The following POLR1C variants were observed in gnomAD, a reference collection of about 807,000 sequenced individuals.
POLR1C encodes the protein DNA-directed RNA polymerases I and III subunit RPAC1.
POLR1C carries 42 observed loss-of-function variants against 38.3 expected under a neutral mutation model. That is an observed-to-expected ratio of 1.10 (90% confidence interval 0.86 to 1.42). POLR1C has a LOEUF of 1.42. POLR1C is among the 40% of genes most tolerant of loss of function. The probability of loss-of-function intolerance (pLI) is 0.00; values close to 1 mark genes in which losing one functional copy is unlikely to be tolerated. For synonymous variants in POLR1C, 163 were observed against 163.9 expected, an observed-to-expected ratio of 0.99 and a Z score of 0.04; for missense variants, 507 against 450.5, an observed-to-expected ratio of 1.13 and a Z score of -1.14.
chr6:43,528,461 G>C (rs902937070), intron 8 of POLR1C, among the ~76,000 whole-genome samples: 11 of 151,856 alleles, frequency 7.2e-5, no homozygotes, highest in African/African-American at 2.7e-4. Flanking sequence ...TAGAATTCCT[G>C]GGTCTCTAGA....
chr6:43,553,015 T>G (rs1795324456), intron 10 of POLR1C, among the ~76,000 whole-genome samples: 1 of 152,206 alleles, frequency 6.6e-6, no homozygotes, highest in Non-Finnish European at 1.5e-5. Flanking sequence ...ATTTTCCTAT[T>G]CTACTACCAG....
At chr6:43,551,549 G>T (rs1409722766) in intron 10 of POLR1C, 3 of 1,442,860 alleles carry the variant, frequency 2.1e-6, no homozygotes, top group Non-Finnish European at 2.9e-6. Flanking sequence ...AAGAGACAGG[G>T]TCTCATTCTG....
intron 8 of POLR1C, chr6:43,526,531 G>A (rs1217906830): frequency 1.5e-5 from 12 of 782,090 alleles, no homozygotes; most frequent in Non-Finnish European, 2.1e-5. Context: ...GTGGGAGTAT[G>A]ATGGAGGCAC....
intron 2 of POLR1C, among the ~76,000 whole-genome samples, chr6:43,518,964 G>C (rs1326709607): frequency 6.6e-6 from 1 of 152,196 alleles, no homozygotes; most frequent in Non-Finnish European, 1.5e-5. Context: ...ACAGGTGTGA[G>C]TGACTGTGCC....
rs748345433 is a variant in POLR1C at position 43,520,701 on chromosome 6, C to T, written c.732C>T (p.Pro244=). 6.2e-6 allele frequency: 10 copies of T among 1,613,970 alleles called. No individual in the cohort carries two copies. The highest frequency in any genetic ancestry group is 5.0e-5 in the Admixed American group (3 of 59,998). ...RLLPDITLLE[P]VEGEAAEELS... The stretch of plus-strand genomic sequence containing the variant: ...TGCCAGACATCACCCTGCTTGAGCC[C>T]GTGGAAGGGGAGGCAGCTGAGGAGT... The change falls in exon 7 of 9, where the codon CCC becomes CCT. Residue 244 remains proline, a synonymous_variant. Transcript: ENST00000642195.
Position 43,520,259 on chromosome 6 carries a change from C to T in POLR1C, c.503-16C>T, listed in dbSNP as rs141582886. ...AGTTTTAGGGACTGAGATCTTCTGA[C>T]ATGTTTTTCCTCCAGTGTATACCAG... On this transcript the variant is annotated splice_polypyrimidine_tract_variant and intron_variant, in intron 5 of 8. Coordinates refer to ENST00000642195, the MANE Select transcript of POLR1C (RefSeq NM_203290.4). The T allele has an allele frequency of 2.5e-6, 4 of 1,613,402 alleles. No individual in the cohort carries two copies. The African/African-American group carries it at 5.3e-5, about 21-fold the overall frequency.
intron 10 of POLR1C, chr6:43,551,174 T>C: frequency 9.6e-7 from 1 of 1,043,568 alleles, no homozygotes; most frequent in Non-Finnish European, 1.3e-6. Flanking sequence ...GAGGATCCCT[T>C]GAGACTAGTA....
Position 43,519,403 on chromosome 6 carries a change from C to G in POLR1C, c.212C>G (p.Ala71Gly). Residue 71 changes from alanine to glycine, a missense_variant, in exon 3 of 9, where the codon GCC becomes GGC. Ala to Gly is a moderately conservative substitution (Grantham distance 60, BLOSUM62 0). Coordinates refer to ENST00000642195, the MANE Select transcript of POLR1C (RefSeq NM_203290.4). Reference sequence around the variant, plus strand: ...TTTGACATGGTGGGAATTGACGCAGCCATTGCCAATGCTTTTCGACGAATT... The same window carrying G: ...TTTGACATGGTGGGAATTGACGCAGGCATTGCCAATGCTTTTCGACGAATT... ...LEFDMVGIDAAIANAFRRILL... is the reference protein window; with the variant it reads ...LEFDMVGIDAGIANAFRRILL... 1 of 1,613,742 alleles carries G rather than the reference C, an allele frequency of 6.2e-7. No individual in the cohort carries two copies. The highest frequency in any genetic ancestry group is 8.5e-7 in the Non-Finnish European group (1 of 1,179,638).
At chr6:43,560,953 A>G in intron 10 of POLR1C, 3 of 1,613,990 alleles carry the variant, frequency 1.9e-6, no homozygotes, top group Middle Eastern at 1.7e-4. Context: ...AAAGCAAGAA[A>G]AGATTCCAGG....
chr6:43,555,777 T>G, intron 10 of POLR1C: 1 of 1,602,392 alleles, frequency 6.2e-7, no homozygotes, highest in East Asian at 2.2e-5. Context: ...TCATTTCCTA[T>G]ATATAGTTTT....
chr6:43,533,559 A>T (rs182963296), downstream of POLR1C: 361 of 181,092 alleles, frequency 2.0e-3, 2 homozygotes, highest in Admixed American at 2.8e-3. Flanking sequence ...CAAGGAACCC[A>T]TAAGAACGCC....
intron 9 of POLR1C, among the ~76,000 whole-genome samples, chr6:43,543,881 T>A (rs1794836160): frequency 6.6e-6 from 1 of 152,128 alleles, no homozygotes; most frequent in Non-Finnish European, 1.5e-5. Flanking sequence ...TTCACCATGT[T>A]TATTGGGCTA....
intron 9 of POLR1C, chr6:43,547,538 A>C: frequency 6.9e-7 from 1 of 1,446,650 alleles, no homozygotes; most frequent in Non-Finnish European, 9.7e-7. Context: ...TCTATGAGAA[A>C]CTTGACAAAA....
downstream of POLR1C, chr6:43,521,638 C>T (rs918435195): frequency 5.3e-6 from 2 of 376,816 alleles, no homozygotes; most frequent in Admixed American, 4.2e-5. Flanking sequence ...TCTCAGGAGG[C>T]TGAGGCAAGA....
intron 9 of POLR1C, among the ~76,000 whole-genome samples, chr6:43,550,492 T>C (rs1181740918): frequency 1.3e-5 from 2 of 152,182 alleles, no homozygotes; most frequent in Non-Finnish European, 2.9e-5. Context: ...CTTCTCATTT[T>C]TTTCTCCACT....
At chr6:43,540,145 T>C (rs751485650) in intron 9 of POLR1C, among the ~76,000 whole-genome samples, 5 of 151,856 alleles carry the variant, frequency 3.3e-5, no homozygotes, top group Non-Finnish European at 7.4e-5. Context: ...ACCCCAGTAC[T>C]TTGAGAGGCC....
intron 10 of POLR1C, among the ~76,000 whole-genome samples, chr6:43,556,548 A>T (rs540179476): frequency 3.0e-4 from 45 of 152,032 alleles, no homozygotes; most frequent in Middle Eastern, 3.4e-3. Flanking sequence ...AAAAATTTTT[A>T]AAAAGTAAAT....
intron 10 of POLR1C, chr6:43,555,707 T>G (rs764526245): frequency 2.4e-5 from 28 of 1,155,850 alleles, no homozygotes; most frequent in Non-Finnish European, 3.2e-5. Flanking sequence ...CTCTCCAGGA[T>G]GAGCAAAGCT....
chr6:43,546,663 C>G (rs1485725101), intron 9 of POLR1C: 1 of 1,613,610 alleles, frequency 6.2e-7, no homozygotes, highest in Non-Finnish European at 8.5e-7. Context: ...TATAACCCAC[C>G]ACAAATCCCC....
Sources: allele counts gnomAD v4.1 joint callset (sites outside exome capture counted in the v4.1 genomes callset), GRCh38; gene constraint gnomAD v4.1.1; transcripts MANE v1.5; gene names NCBI Gene and HGNC (gene_info 2026-07-23, HGNC 2026-07-21).